Variants in HGF observed in about 807,000 individuals in gnomAD.
HGF encodes the protein fibroblast-derived tumor cytotoxic factor.
HGF carries 39 observed loss-of-function variants against 111.6 expected under a neutral mutation model. That is an observed-to-expected ratio of 0.35 (90% confidence interval 0.27 to 0.46). HGF has a LOEUF of 0.46. Among genes scored for constraint, HGF ranks in the 20% least tolerant of loss-of-function variants. HGF has a pLI of 1.00. For synonymous variants in HGF, 285 were observed against 294.8 expected (o/e 0.97, Z 0.34); for missense variants, 735 against 910.5 (o/e 0.81, Z 2.48).
At chr7:81,753,215 T>G (rs1788590023) in intron 4 of HGF, among the ~76,000 whole-genome samples, 1 of 152,064 alleles carries the variant, frequency 6.6e-6, no homozygotes, top group African/African-American at 2.4e-5. Flanking sequence ...AGGCCAAGTC[T>G]TTTTTATACT....
chr7:81,765,502 A>G (rs1018518479), intron 1 of HGF, among the ~76,000 whole-genome samples: 4 of 152,144 alleles, frequency 2.6e-5, no homozygotes, highest in Non-Finnish European at 5.9e-5. Context: ...CTGGGGCTAC[A>G]AAGCTATCAG....
At chr7:81,762,934 A>G (rs1000339624) in intron 1 of HGF, 62 bp from the exon 2 acceptor site, 3 of 977,234 alleles carry the variant, frequency 3.1e-6, no homozygotes, top group African/African-American at 3.3e-5. Context: ...AGGCTCATAT[A>G]TAAAAAAAAT....
intron 3 of HGF, among the ~76,000 whole-genome samples, chr7:81,757,891 G>A (rs1046538326): frequency 6.6e-6 from 1 of 151,806 alleles, no homozygotes. Context: ...TTTGAAGTAA[G>A]AATGGTGTTA....
At chr7:81,733,358 T>C (rs1787725984) in intron 7 of HGF, among the ~76,000 whole-genome samples, 1 of 151,956 alleles carries the variant, frequency 6.6e-6, no homozygotes, top group East Asian at 1.9e-4. Flanking sequence ...TTTATTAAGA[T>C]GTAAAGAATC....
intron 6 of HGF, 110 bp from the exon 7 acceptor site, chr7:81,743,581 A>T: frequency 1.3e-6 from 1 of 794,046 alleles, no homozygotes. Flanking sequence ...AGCTGGGGAA[A>T]GAGGACGTTT....
chr7:81,727,189 T>A (rs569140150), intron 8 of HGF, among the ~76,000 whole-genome samples: 1 of 145,112 alleles, frequency 6.9e-6, no homozygotes. Context: ...TACAGGTGCC[T>A]GCCACCACGC....
At chr7:81,761,995 G>A (rs1193538930) in intron 2 of HGF, among the ~76,000 whole-genome samples, 1 of 152,108 alleles carries the variant, frequency 6.6e-6, no homozygotes, top group Non-Finnish European at 1.5e-5. Context: ...ATGCTCACTG[G>A]CCTGCAGCTC....
At chr7:81,747,344 A>T (rs1463131606) in intron 5 of HGF, among the ~76,000 whole-genome samples, 2 of 152,210 alleles carry the variant, frequency 1.3e-5, no homozygotes, top group East Asian at 2.0e-4. Flanking sequence ...GTCTCAAAAA[A>T]TAAAAAAAAG....
At chr7:81,760,674 TGCGTGC>T (rs770411182) in intron 2 of HGF, among the ~76,000 whole-genome samples, 3,064 of 111,006 alleles carry the variant, frequency 0.028, 46 homozygotes, top group Non-Finnish European at 0.038. Flanking sequence ...TGTGTCTATG[TGCGTGC>T]GTGTGTGTGT....
chr7:81,725,249 C>T (rs1583944177), intron 9 of HGF, among the ~76,000 whole-genome samples: 1 of 152,162 alleles, frequency 6.6e-6, no homozygotes, highest in East Asian at 1.9e-4. Flanking sequence ...GCCCAATTGC[C>T]TCTCTAATCT....
intron 7 of HGF, chr7:81,742,785 G>A (rs973624521): frequency 1.4e-5 from 22 of 1,538,240 alleles, no homozygotes; most frequent in East Asian, 2.5e-5. Flanking sequence ...AAGACAGATC[G>A]AAACAGAATG....
intron 4 of HGF, 86 bp from the exon 5 acceptor site, chr7:81,752,348 T>C (rs1788548064): frequency 3.6e-6 from 4 of 1,099,762 alleles, no homozygotes; most frequent in Non-Finnish European, 5.6e-6. Flanking sequence ...GGTATGTTTT[T>C]GCTGAAGGTA....
chr7:81,762,269 C>G (rs1182531833), intron 2 of HGF, among the ~76,000 whole-genome samples: 1 of 152,160 alleles, frequency 6.6e-6, no homozygotes, highest in Non-Finnish European at 1.5e-5. Flanking sequence ...TCTCTCAACA[C>G]CTTTTATTTA....
rs575086470 is a variant in HGF, at chr7:81,700,802, T to C, written c.*1779A>G. ...CTTGATGCCAGCACATATCTTATTA[T>C]GAAAAAAAAATTGTATAAGCATTTC... On this transcript the variant is annotated 3_prime_UTR_variant, in exon 18 of 18. Coordinates refer to ENST00000222390, the MANE Select transcript of HGF (RefSeq NM_000601.6). 4 of 151,576 alleles carry C rather than the reference T, an allele frequency of 2.6e-5. No individual in the cohort carries two copies. The highest frequency in any genetic ancestry group is 3.0e-5 in the Non-Finnish European group (2 of 67,622). The allele number at this position is 151,576 out of a possible 1,614,324, so 9.4% of individuals were successfully genotyped here.
intron 5 of HGF, 37 bp downstream of exon 5, chr7:81,752,083 G>T (rs764540833): frequency 6.2e-7 from 1 of 1,612,426 alleles, no homozygotes; most frequent in African/African-American, 1.3e-5. Context: ...CACATAGGGG[G>T]AATAGAATGG....
intron 5 of HGF, among the ~76,000 whole-genome samples, chr7:81,750,111 A>T (rs1368156119): frequency 6.6e-6 from 1 of 152,132 alleles, no homozygotes; most frequent in African/African-American, 2.4e-5. Context: ...TTTAGAAGAA[A>T]TTTATATCAT....
chr7:81,726,074 AG>A (rs1181279238), intron 8 of HGF, 57 bp from the exon 9 acceptor site: 151 of 1,546,200 alleles, frequency 9.8e-5, no homozygotes, highest in South Asian at 2.2e-4. Flanking sequence ...TGGTGAAGTC[AG>A]CGCTATTACA....
chr7:81,734,550 CAA>C (rs1787763592), intron 7 of HGF, among the ~76,000 whole-genome samples: 1 of 151,938 alleles, frequency 6.6e-6, no homozygotes, highest in African/African-American at 2.4e-5. Flanking sequence ...TTTTTTGAGA[CAA>C]AGAGTATTCA....
At chr7:81,713,474 C>A (rs865892678) in intron 11 of HGF, among the ~76,000 whole-genome samples, 1 of 149,914 alleles carries the variant, frequency 6.7e-6, no homozygotes, top group African/African-American at 2.5e-5. Flanking sequence ...TGCAGTGAGC[C>A]GAAATTGCTC....
Sources: allele counts gnomAD v4.1 joint callset (sites outside exome capture counted in the v4.1 genomes callset), GRCh38; gene constraint gnomAD v4.1.1; transcripts MANE v1.5; gene names NCBI Gene and HGNC (gene_info 2026-07-23, HGNC 2026-07-21).